Variants in DSCAM observed in about 807,000 individuals in gnomAD.
The protein encoded by DSCAM is cell adhesion molecule DSCAM.
Under a neutral mutation model 217.7 loss-of-function variants are expected in DSCAM, and 47 were observed. The ratio of observed to expected loss-of-function variants is 0.22; its 90% CI spans 0.17 to 0.28. The LOEUF is 0.28. DSCAM is among the 10% of genes least tolerant of loss of function. The probability of loss-of-function intolerance (pLI) is 1.00; values close to 1 mark genes in which losing one functional copy is unlikely to be tolerated. For missense variants in DSCAM, 2,080 were observed against 2,618.3 expected (o/e 0.79, Z 4.49); for synonymous variants, 1,056 against 1,015.3 (o/e 1.04, Z -0.76).
intron 27 of DSCAM, among the ~76,000 whole-genome samples, chr21:40,063,548 A>G (rs184592869): frequency 1.3e-5 from 2 of 152,162 alleles, no homozygotes. Context: ...TTAAAATATA[A>G]TTTATTCTTT....
At chr21:40,570,371 T>G (rs2076796894) in intron 3 of DSCAM, among the ~76,000 whole-genome samples, 1 of 152,182 alleles carries the variant, frequency 6.6e-6, no homozygotes, top group Non-Finnish European at 1.5e-5. Flanking sequence ...CCCAGCCACA[T>G]GTCAGATTGA....
intron 3 of DSCAM, among the ~76,000 whole-genome samples, chr21:40,486,678 T>G (rs1434522546): frequency 6.6e-6 from 1 of 152,198 alleles, no homozygotes; most frequent in African/African-American, 2.4e-5. Flanking sequence ...CAGCACTGTT[T>G]AAGCATTAGG....
At chr21:40,772,057 G>A (rs1259245356) in intron 1 of DSCAM, among the ~76,000 whole-genome samples, 2 of 151,472 alleles carry the variant, frequency 1.3e-5, no homozygotes, top group Admixed American at 1.3e-4. Flanking sequence ...GACGGGAATT[G>A]ACACAGAATT....
At chr21:40,032,127 C>T (rs2088537566) in intron 32 of DSCAM, among the ~76,000 whole-genome samples, 2 of 152,164 alleles carry the variant, frequency 1.3e-5, no homozygotes, top group African/African-American at 4.8e-5. Flanking sequence ...AGCTTCATGG[C>T]AGAACAAGGC....
chr21:40,693,604 C>CA (rs1207256046), intron 2 of DSCAM, among the ~76,000 whole-genome samples: 1 of 151,710 alleles, frequency 6.6e-6, no homozygotes, highest in Admixed American at 6.6e-5. Context: ...TTTCTGACTG[C>CA]AAAAAATGAA....
chr21:40,078,575 C>T (rs541952928), intron 26 of DSCAM, 112 bp downstream of exon 26: 40 of 1,411,304 alleles, frequency 2.8e-5, no homozygotes, highest in Middle Eastern at 2.6e-4. Flanking sequence ...TAATGGGCTC[C>T]GTGGGCACTG....
chr21:40,354,703 G>T (rs1191340860), intron 4 of DSCAM, among the ~76,000 whole-genome samples: 1 of 151,914 alleles, frequency 6.6e-6, no homozygotes, highest in East Asian at 2.0e-4. Flanking sequence ...CAAAAAATTA[G>T]CTGGGTGTGG....
intron 3 of DSCAM, among the ~76,000 whole-genome samples, chr21:40,400,323 A>G (rs1236488906): frequency 6.6e-6 from 1 of 152,242 alleles, no homozygotes; most frequent in Non-Finnish European, 1.5e-5. Context: ...AAAACAAAAA[A>G]ATAGCTAGAA....
intron 32 of DSCAM, among the ~76,000 whole-genome samples, chr21:40,039,866 C>T (rs979040379): frequency 9.2e-5 from 14 of 151,994 alleles, no homozygotes; most frequent in Non-Finnish European, 1.3e-4. Flanking sequence ...AGAAAAGAAG[C>T]TCTAAAGTTG....
intron 8 of DSCAM, among the ~76,000 whole-genome samples, chr21:40,322,388 G>T (rs1330077709): frequency 6.6e-6 from 1 of 152,122 alleles, no homozygotes; most frequent in African/African-American, 2.4e-5. Flanking sequence ...GAGATTTTTT[G>T]AGTTGAAACT....
chr21:40,300,893 C>G (rs2074007454), intron 9 of DSCAM, among the ~76,000 whole-genome samples: 1 of 152,226 alleles, frequency 6.6e-6, no homozygotes, highest in Admixed American at 6.5e-5. Context: ...ACAGAGACCA[C>G]ACTTCAAGAA....
At chr21:40,598,509 T>TG (rs1293027265) in intron 3 of DSCAM, among the ~76,000 whole-genome samples, 4 of 137,834 alleles carry the variant, frequency 2.9e-5, no homozygotes, top group South Asian at 2.6e-4. Context: ...TTTTTTTTTT[T>TG]TTTTTTTTTT....
rs145091919 is a variant in DSCAM at position 40,789,844 on chromosome 21, C to T, written c.43+56775G>A. 9.1e-4 allele frequency among the ~76,000 whole-genome samples: 139 copies of T among 152,228 alleles called. 1 individual carries two copies. Among genetic ancestry groups the T allele is most frequent in the African/African-American group, 3.2e-3 (135 of 41,562 alleles). On this transcript the variant is annotated intron_variant, in intron 1 of 32. Coordinates refer to ENST00000400454, the MANE Select transcript of DSCAM (RefSeq NM_001389.5). ...TGCTGGGATTACAGGCGTGAGCCAC[C>T]GTGCCCGGCCTCTGCTGTATTTCTT...
chr21:40,320,078 C>G (rs554302429), intron 8 of DSCAM, among the ~76,000 whole-genome samples: 3 of 152,256 alleles, frequency 2.0e-5, no homozygotes. Flanking sequence ...GGAAAAATAG[C>G]TAATGCATGC....
rs781653008 is a variant in DSCAM, at chr21:40,144,773, T to G, written c.3019-42A>C. On this transcript the variant is annotated intron_variant, in intron 16 of 32. Transcript: ENST00000400454. The surrounding 1 kb of genome is among the most constrained non-coding windows in gnomAD (Gnocchi z 4.8). Reference sequence around the variant, plus strand: ...AGAACACACTAAAGAAGTCTTGAGGTAGGACAAGAGCGAAATCAACGCCCA... The same window carrying G: ...AGAACACACTAAAGAAGTCTTGAGGGAGGACAAGAGCGAAATCAACGCCCA... The G allele has an allele frequency of 1.9e-6, 3 of 1,610,842 alleles. No homozygotes were observed. The highest frequency in any genetic ancestry group is 1.1e-5 in the South Asian group (1 of 91,032).
At chr21:40,139,283 A>G (rs375644300) in intron 18 of DSCAM, among the ~76,000 whole-genome samples, 3 of 151,980 alleles carry the variant, frequency 2.0e-5, no homozygotes, top group African/African-American at 7.3e-5. Flanking sequence ...TCCTGACAAC[A>G]CGTGCCCAGG....
At chr21:40,569,649 C>A (rs936926146) in intron 3 of DSCAM, among the ~76,000 whole-genome samples, 4 of 152,200 alleles carry the variant, frequency 2.6e-5, no homozygotes, top group African/African-American at 9.6e-5. Flanking sequence ...AGATTTCTAT[C>A]TGTCCCCTAT....
intron 3 of DSCAM, among the ~76,000 whole-genome samples, chr21:40,538,084 C>T (rs905077844): frequency 1.3e-5 from 2 of 152,098 alleles, no homozygotes; most frequent in African/African-American, 4.8e-5. Flanking sequence ...GTTTGTCTGA[C>T]ACAGAGGCAG....
chr21:40,266,641 A>ATATATATATATATATATT (rs2073533345), intron 11 of DSCAM, among the ~76,000 whole-genome samples: 3 of 111,306 alleles, frequency 2.7e-5, no homozygotes, highest in African/African-American at 1.3e-4. Context: ...TGTTTTATAT[A>ATATATATATATATATATT]TATATATATA....
Sources: gnomAD v4.1 joint callset for allele counts (sites outside exome capture counted in the v4.1 genomes callset) on GRCh38, gnomAD v4.1.1 for gene constraint, Gnocchi (gnomAD v3.1) non-coding constraint, MANE v1.5 for transcripts, NCBI Gene and HGNC (gene_info 2026-07-23, HGNC 2026-07-21) for gene names.